CNTLN: variants seen among roughly 807,000 people sequenced by gnomAD.
The protein encoded by CNTLN is centlein, also known as centlein, centrosomal protein.
Under a neutral mutation model 180.0 loss-of-function variants are expected in CNTLN, and 212 were observed. That is an observed-to-expected ratio of 1.18 (90% confidence interval 1.05 to 1.32). The LOEUF (loss-of-function observed/expected upper bound fraction) is 1.32, where lower values mean the gene tolerates loss of function less well. Ranked by LOEUF, CNTLN falls within the 40% of genes most tolerant of loss-of-function variation. CNTLN has a pLI of 0.00. For missense variants in CNTLN, 2,095 were observed against 1,610.9 expected (o/e 1.30, Z -5.14); for synonymous variants, 722 against 563.1 (o/e 1.28, Z -3.99).
intron 13 of CNTLN, among the ~76,000 whole-genome samples, chr9:17,366,965 A>T (rs762795450): frequency 2.6e-5 from 4 of 152,176 alleles, no homozygotes; most frequent in South Asian, 4.1e-4. Context: ...AGAAGACTTT[A>T]TGCTGTGGGA....
At chr9:17,334,954 G>T (rs1162004426) in intron 10 of CNTLN, among the ~76,000 whole-genome samples, 2 of 148,936 alleles carry the variant, frequency 1.3e-5, no homozygotes, top group South Asian at 4.4e-4. Flanking sequence ...GCAAGCTAGA[G>T]AGCCAGGAGA....
At chr9:17,156,916 GT>G (rs1819333962) in intron 2 of CNTLN, among the ~76,000 whole-genome samples, 1 of 152,202 alleles carries the variant, frequency 6.6e-6, no homozygotes, top group Non-Finnish European at 1.5e-5. Flanking sequence ...ATTGTGTAAA[GT>G]AGCAATTAAT....
intron 2 of CNTLN, among the ~76,000 whole-genome samples, chr9:17,158,780 G>A (rs750416809): frequency 6.6e-6 from 1 of 151,940 alleles, no homozygotes; most frequent in African/African-American, 2.4e-5. Context: ...CTAGCTAAAG[G>A]TTTGTCAATT....
At chr9:17,427,023 T>C (rs1266123744) in intron 18 of CNTLN, among the ~76,000 whole-genome samples, 2 of 152,122 alleles carry the variant, frequency 1.3e-5, no homozygotes, top group Non-Finnish European at 2.9e-5. Flanking sequence ...CAGAGACATA[T>C]TTCTTTATTA....
Position 17,236,599 on chromosome 9 carries a change from G to T in CNTLN, c.849+11G>T. 6.3e-7 allele frequency: 1 copy of T among 1,586,532 alleles called. No homozygotes were observed. Among genetic ancestry groups the T allele is most frequent in the Non-Finnish European group, 8.6e-7 (1 of 1,168,818 alleles). On this transcript the variant is annotated intron_variant, in intron 5 of 25. Transcript: ENST00000380647. ...GATGCAAAAATAAAGGTATACAATA[G>T]GAATGGAATCCATACTCCTCTTTTG...
intron 15 of CNTLN, among the ~76,000 whole-genome samples, chr9:17,400,338 C>T (rs1312781482): frequency 6.6e-6 from 1 of 152,116 alleles, no homozygotes; most frequent in African/African-American, 2.4e-5. Flanking sequence ...GAGGTTTCAC[C>T]ATGTTGGCCA....
chr9:17,480,046 C>T (rs1199056875), intron 23 of CNTLN, among the ~76,000 whole-genome samples: 1 of 151,932 alleles, frequency 6.6e-6, no homozygotes, highest in Non-Finnish European at 1.5e-5. Context: ...AGAAATTGAC[C>T]GGTCATGGTG....
At chr9:17,290,066 T>G (rs949377311) in intron 6 of CNTLN, among the ~76,000 whole-genome samples, 1 of 152,186 alleles carries the variant, frequency 6.6e-6, no homozygotes, top group African/African-American at 2.4e-5. Flanking sequence ...CTGCGTTCCT[T>G]TGGAGGAGGA....
At chr9:17,340,988 A>G in intron 11 of CNTLN, 40 bp downstream of exon 11, 2 of 1,571,110 alleles carry the variant, frequency 1.3e-6, no homozygotes, top group Non-Finnish European at 1.7e-6. Context: ...CCTAAATATT[A>G]AATGGAATGG....
intron 9 of CNTLN, 128 bp downstream of exon 9, chr9:17,330,936 G>C: frequency 1.3e-6 from 1 of 773,740 alleles, no homozygotes; most frequent in South Asian, 2.0e-5. Context: ...AAAATATTAT[G>C]TACCGAACTC....
chr9:17,346,893 C>T (rs1821943607), intron 12 of CNTLN, among the ~76,000 whole-genome samples: 1 of 152,154 alleles, frequency 6.6e-6, no homozygotes, highest in Non-Finnish European at 1.5e-5. Flanking sequence ...CTGAGGGTCT[C>T]TTCAATTTAT....
intron 2 of CNTLN, among the ~76,000 whole-genome samples, chr9:17,193,264 C>T (rs976852737): frequency 6.6e-6 from 1 of 152,142 alleles, no homozygotes; most frequent in Non-Finnish European, 1.5e-5. Context: ...AACAGTCCCC[C>T]AAAGTCTTAA....
intron 6 of CNTLN, among the ~76,000 whole-genome samples, chr9:17,282,887 C>G (rs191682314): frequency 6.6e-6 from 1 of 152,086 alleles, no homozygotes; most frequent in Non-Finnish European, 1.5e-5. Context: ...TGTCAAAGAT[C>G]AGATGGTTGT....
At chr9:17,304,523 G>T (rs1034569232) in intron 7 of CNTLN, among the ~76,000 whole-genome samples, 1 of 151,986 alleles carries the variant, frequency 6.6e-6, no homozygotes, top group African/African-American at 2.4e-5. Context: ...GGAAAATAAG[G>T]AGTTAGCATA....
At chr9:17,505,106 A>G (rs1220089641), downstream of CNTLN, among the ~76,000 whole-genome samples, 1 of 149,208 alleles carries the variant, frequency 6.7e-6, no homozygotes, top group African/African-American at 2.5e-5. Context: ...TTTGATATAG[A>G]AAAAGCATGT....
chr9:17,471,445 T>C (rs528967336), intron 23 of CNTLN, among the ~76,000 whole-genome samples: 2 of 152,246 alleles, frequency 1.3e-5, no homozygotes, highest in African/African-American at 2.4e-5. Flanking sequence ...TAAATTGATA[T>C]GTATGTCTAA....
rs143228357 is a variant in CNTLN at position 17,270,098 on chromosome 9, C to T, written c.850-3635C>T. Among the ~76,000 whole-genome samples, 100 of 152,010 alleles carry T rather than the reference C, an allele frequency of 6.6e-4. 1 individual carries two copies. The highest frequency in any genetic ancestry group is 2.3e-3 in the African/African-American group (97 of 41,488). ...TGGCTGCTAATAAGAATGGTTTACT[C>T]TTTCTGTTAATATTTATATATTTAA... On this transcript the variant is annotated intron_variant, in intron 5 of 25. Transcript: ENST00000380647.
intron 2 of CNTLN, among the ~76,000 whole-genome samples, chr9:17,172,494 T>A (rs1292573646): frequency 1.3e-5 from 2 of 151,814 alleles, no homozygotes; most frequent in Non-Finnish European, 2.9e-5. Flanking sequence ...TCTTGAGACC[T>A]CTTTGGGCTA....
At chr9:17,139,506 A>G (rs1178762303) in intron 1 of CNTLN, among the ~76,000 whole-genome samples, 1 of 151,986 alleles carries the variant, frequency 6.6e-6, no homozygotes, top group African/African-American at 2.4e-5. Flanking sequence ...ACTAAAATAC[A>G]AAAATTAGCG....
Sources: gnomAD v4.1 joint callset for allele counts (sites outside exome capture counted in the v4.1 genomes callset) on GRCh38, gnomAD v4.1.1 for gene constraint, MANE v1.5 for transcripts, NCBI Gene and HGNC (gene_info 2026-07-23, HGNC 2026-07-21) for gene names.